Variants in ZDHHC21 observed in about 807,000 individuals in gnomAD.
ZDHHC21 encodes zDHHC palmitoyltransferase 21.
A neutral mutation model predicts 34.6 loss-of-function variants in ZDHHC21; 15 were observed. The observed-to-expected ratio is 0.43, with a 90% CI of 0.29 to 0.67. The LOEUF is 0.67. Ranked by LOEUF, ZDHHC21 falls within the 30% of genes least tolerant of loss-of-function variation. The pLI is 0.14. For missense variants in ZDHHC21, 344 were observed against 327.7 expected, an observed-to-expected ratio of 1.05 and a Z score of -0.38; for synonymous variants, 142 against 101.8, an observed-to-expected ratio of 1.40 and a Z score of -2.38.
intron 7 of ZDHHC21, among the ~76,000 whole-genome samples, chr9:14,651,464 G>C (rs1379927977): frequency 6.6e-6 from 1 of 151,866 alleles, no homozygotes; most frequent in Non-Finnish European, 1.5e-5. Flanking sequence ...GCAAGTTTGT[G>C]ATTGGACAAG....
At chr9:14,600,329 C>T in the ZDHHC21 span, among the ~76,000 whole-genome samples, 23 of 152,098 alleles carry the variant, frequency 1.5e-4, no homozygotes, top group African/African-American at 4.8e-4. Context: ...AAAATCAATG[C>T]GCAAAAGTCC....
At chr9:14,658,661 C>T (rs921909647) in intron 7 of ZDHHC21, 88 bp downstream of exon 7, 23 of 1,069,894 alleles carry the variant, frequency 2.1e-5, no homozygotes, top group South Asian at 1.7e-4. Context: ...TTAGTAGAGA[C>T]GGGGTTTCAC....
At chr9:14,665,647 C>A (rs1454228709) in intron 5 of ZDHHC21, among the ~76,000 whole-genome samples, 3 of 139,326 alleles carry the variant, frequency 2.2e-5, no homozygotes, top group Non-Finnish European at 1.6e-5. Flanking sequence ...AACAGCGGAT[C>A]TCTCGGCAGA....
the ZDHHC21 span, among the ~76,000 whole-genome samples, chr9:14,591,276 G>C: frequency 6.6e-6 from 1 of 151,966 alleles, no homozygotes; most frequent in Admixed American, 6.6e-5. Context: ...ATTAAGAGGC[G>C]TGACCTTTAG....
intron 7 of ZDHHC21, among the ~76,000 whole-genome samples, chr9:14,643,104 G>A (rs560482493): frequency 1.6e-4 from 24 of 152,208 alleles, no homozygotes; most frequent in African/African-American, 5.8e-4. Context: ...TAAAATAGCA[G>A]GGTACGGTGG....
chr9:14,650,531 G>C (rs1291047406), intron 7 of ZDHHC21, among the ~76,000 whole-genome samples: 1 of 151,772 alleles, frequency 6.6e-6, no homozygotes. Context: ...TTATTATTAA[G>C]GCTACAATAT....
At chr9:14,655,551 AATG>A (rs1204103337) in intron 7 of ZDHHC21, among the ~76,000 whole-genome samples, 4 of 151,916 alleles carry the variant, frequency 2.6e-5, no homozygotes, top group South Asian at 4.1e-4. Flanking sequence ...AAATATGAAA[AATG>A]ATGATGACAG....
chr9:14,670,865 C>T lies in ZDHHC21; in HGVS notation c.253+1965G>A, dbSNP rs184879928. 1.5e-3 allele frequency among the ~76,000 whole-genome samples: 223 copies of T among 152,190 alleles called. 1 individual carries two copies. The highest frequency in any genetic ancestry group is 6.8e-3 in the Middle Eastern group (2 of 294). On this transcript the variant is annotated intron_variant, in intron 5 of 9. Coordinates refer to ENST00000380916, the MANE Select transcript of ZDHHC21 (RefSeq NM_178566.6). ...TTGTGTAGCAAGAAAAAAAATCCAT[C>T]CATCTTAACACACCCTACATATCTC... is the stretch of plus-strand genomic sequence containing the variant.
intron 8 of ZDHHC21, among the ~76,000 whole-genome samples, chr9:14,628,583 A>AG (rs147992566): frequency 0.71 from 107,263 of 151,842 alleles, 38,036 homozygotes; most frequent in South Asian, 0.78. Context: ...GTGCAAGAGT[A>AG]GGGAAAAAGT....
intron 8 of ZDHHC21, among the ~76,000 whole-genome samples, chr9:14,619,925 T>G (rs575908686): frequency 2.0e-4 from 31 of 151,944 alleles, no homozygotes; most frequent in African/African-American, 7.2e-4. Flanking sequence ...ACAAAAATTA[T>G]GACAGTATCA....
the ZDHHC21 span, among the ~76,000 whole-genome samples, chr9:14,602,305 T>TA: frequency 4.0e-4 from 60 of 151,828 alleles, no homozygotes; most frequent in Admixed American, 2.6e-4. Flanking sequence ...CAGTCAAATT[T>TA]AAAAAATGAA....
intron 8 of ZDHHC21, among the ~76,000 whole-genome samples, chr9:14,626,051 A>G (rs1285464704): frequency 1.3e-5 from 2 of 152,136 alleles, no homozygotes; most frequent in South Asian, 2.1e-4. Flanking sequence ...ACTAATCAGA[A>G]TATTTGGAAC....
chr9:14,671,026 A>T (rs1835353273), intron 5 of ZDHHC21, among the ~76,000 whole-genome samples: 1 of 152,128 alleles, frequency 6.6e-6, no homozygotes, highest in Non-Finnish European at 1.5e-5. Context: ...TATGAGAAAA[A>T]GAATTCAACT....
At chr9:14,679,842 T>A (rs1343183708) in intron 3 of ZDHHC21, among the ~76,000 whole-genome samples, 191 bp downstream of exon 3, 4 of 152,146 alleles carry the variant, frequency 2.6e-5, no homozygotes, top group African/African-American at 9.7e-5. Flanking sequence ...TTACAGATTA[T>A]TTTTCTCTAT....
At chr9:14,654,186 A>G (rs1288831798) in intron 7 of ZDHHC21, among the ~76,000 whole-genome samples, 3 of 152,068 alleles carry the variant, frequency 2.0e-5, no homozygotes, top group Non-Finnish European at 4.4e-5. Context: ...ACCCCGAAGG[A>G]CTAGACTATT....
chr9:14,644,900 T>C (rs1011061020), intron 7 of ZDHHC21, among the ~76,000 whole-genome samples: 2 of 151,930 alleles, frequency 1.3e-5, no homozygotes, highest in Middle Eastern at 3.4e-3. Context: ...CTTTATTTCA[T>C]AGGAAAAAAC....
chr9:14,627,816 G>A (rs1212441478), intron 8 of ZDHHC21, among the ~76,000 whole-genome samples: 1 of 152,068 alleles, frequency 6.6e-6, no homozygotes, highest in Non-Finnish European at 1.5e-5. Context: ...ATTAGTATTG[G>A]TGCTCATCAG....
chr9:14,633,717 A>G (rs1290511600), intron 8 of ZDHHC21, among the ~76,000 whole-genome samples: 1 of 152,050 alleles, frequency 6.6e-6, no homozygotes, highest in Non-Finnish European at 1.5e-5. Context: ...CCAGCAGCAA[A>G]TCCAGGGTGC....
chr9:14,588,852 T>A, the ZDHHC21 span: 1 of 152,082 alleles, frequency 6.6e-6, no homozygotes, highest in African/African-American at 2.4e-5. Flanking sequence ...AGAAAAAGCA[T>A]AAAGGATTCC....
Sources: allele counts gnomAD v4.1 joint callset (sites outside exome capture counted in the v4.1 genomes callset), GRCh38; gene constraint gnomAD v4.1.1; transcripts MANE v1.5; gene names NCBI Gene and HGNC (gene_info 2026-07-23, HGNC 2026-07-21).